The following ATIC variants were observed in gnomAD, a reference collection of about 807,000 sequenced individuals.
ATIC encodes bifunctional purine biosynthesis protein ATIC.
In ATIC, 64 loss-of-function variants were observed where a neutral mutation model predicts 72.5. The observed-to-expected ratio is 0.88, with a 90% confidence interval of 0.72 to 1.09. The LOEUF (loss-of-function observed/expected upper bound fraction) is 1.09, where lower values mean the gene tolerates loss of function less well. Ranked by LOEUF, ATIC falls within the 50% of genes least tolerant of loss-of-function variation. ATIC has a pLI of 0.00. For synonymous variants in ATIC, 281 were observed against 267.1 expected, an observed-to-expected ratio of 1.05 and a Z score of -0.51; for missense variants, 787 against 732.4, an observed-to-expected ratio of 1.07 and a Z score of -0.86.
In ATIC at chr2:215,335,897, T is replaced by TA. The variant is rs1381589682; in HGVS notation, c.1009-137dup. The TA allele has an allele frequency of 1.1e-5, 7 of 664,028 alleles. No homozygotes were observed. In the African/African-American group the frequency reaches 1.1e-4, roughly 10 times the overall value. The allele number at this position is 664,028 out of a possible 1,614,324, so 41.1% of individuals were successfully genotyped here. On this transcript the variant is annotated intron_variant, in intron 10 of 15. Coordinates refer to ENST00000236959, the MANE Select transcript of ATIC (RefSeq NM_004044.7). ...TCTAATAGATTTCTCTTTTCAAGTA[T>TA]AGCGTTAGCATTGTTTGTTGGAGGC...
chr2:215,325,584 A>T (rs1042079097), intron 5 of ATIC, among the ~76,000 whole-genome samples: 1 of 150,556 alleles, frequency 6.6e-6, no homozygotes, highest in African/African-American at 2.4e-5. Flanking sequence ...TTTTTTTGAG[A>T]TGAAGTCTTG....
In ATIC at chr2:215,334,451, C is replaced by T. The variant is rs755367441; in HGVS notation, c.923-468C>T. Among the ~76,000 whole-genome samples, 27 of 152,154 alleles carry T rather than the reference C, an allele frequency of 1.8e-4. 1 individual carries two copies. Among genetic ancestry groups the T allele is most frequent in the Non-Finnish European group, 8.8e-5 (6 of 68,024 alleles). ...CCTCAAGTGATTCACCTGCCTCAGC[C>T]TCCCAGAGGGCTGGGATTACAGGCG... On this transcript the variant is annotated intron_variant, in intron 9 of 15. Coordinates refer to ENST00000236959, the MANE Select transcript of ATIC (RefSeq NM_004044.7).
intron 13 of ATIC, 35 bp from the exon 14 acceptor site, chr2:215,346,724 G>T (rs552646100): frequency 6.2e-7 from 1 of 1,609,398 alleles, no homozygotes; most frequent in South Asian, 1.1e-5. Context: ...AGTGTCTTTG[G>T]AAGAGGTGTT....
intron 9 of ATIC, among the ~76,000 whole-genome samples, chr2:215,334,380 GA>G (rs1450091733): frequency 6.6e-6 from 1 of 151,796 alleles, no homozygotes; most frequent in African/African-American, 2.4e-5. Flanking sequence ...ATTTTTAGTA[GA>G]GACATGGTTT....
chr2:215,362,506 G>A, the ATIC span: 1 of 232,972 alleles, frequency 4.3e-6, no homozygotes, highest in Admixed American at 5.1e-5. Context: ...CCAGAGGAGA[G>A]GAGTGACTTG....
downstream of ATIC, among the ~76,000 whole-genome samples, chr2:215,352,303 C>T (rs368517505): frequency 7.9e-5 from 12 of 152,160 alleles, no homozygotes; most frequent in South Asian, 2.1e-4. Context: ...GAAAATAGGC[C>T]GGGCATGGTG....
At chr2:215,342,920 C>T (rs1489619827) in intron 12 of ATIC, among the ~76,000 whole-genome samples, 1 of 152,190 alleles carries the variant, frequency 6.6e-6, no homozygotes, top group African/African-American at 2.4e-5. Flanking sequence ...CTCAGGTGAT[C>T]TACCCGCCTG....
chr2:215,360,129 G>A, the ATIC span, among the ~76,000 whole-genome samples: 14 of 152,174 alleles, frequency 9.2e-5, no homozygotes, highest in Non-Finnish European at 1.9e-4. Context: ...ATAGAGACAA[G>A]GTTTCACCAT....
intron 3 of ATIC, among the ~76,000 whole-genome samples, chr2:215,318,616 T>C (rs1449537736): frequency 6.6e-6 from 1 of 152,118 alleles, no homozygotes; most frequent in Non-Finnish European, 1.5e-5. Flanking sequence ...TTCAAAGTGC[T>C]TTACATTTGT....
chr2:215,319,229 A>G (rs1004592850), intron 3 of ATIC, among the ~76,000 whole-genome samples: 3 of 152,010 alleles, frequency 2.0e-5, no homozygotes, highest in African/African-American at 7.2e-5. Context: ...CCCCAACTAC[A>G]TGTTTGATAT....
chr2:215,365,283 TACTC>T, the ATIC span, among the ~76,000 whole-genome samples: 2 of 152,176 alleles, frequency 1.3e-5, no homozygotes, highest in African/African-American at 2.4e-5. Context: ...ATGGTCAAAA[TACTC>T]AGGTTGGACA....
intron 2 of ATIC, among the ~76,000 whole-genome samples, chr2:215,314,403 T>G (rs1273260089): frequency 1.3e-5 from 2 of 152,218 alleles, no homozygotes; most frequent in Admixed American, 1.3e-4. Context: ...CTTTTTAGTT[T>G]AGGTAGTGTT....
At chr2:215,361,663 A>G in the ATIC span, 2 of 1,465,230 alleles carry the variant, frequency 1.4e-6, no homozygotes. Context: ...AATTAGTGGC[A>G]AATACTGTAA....
chr2:215,366,148 A>G, the ATIC span, among the ~76,000 whole-genome samples: 1 of 152,006 alleles, frequency 6.6e-6, no homozygotes, highest in Admixed American at 6.6e-5. Flanking sequence ...GAATTTTAAA[A>G]TATTATTTTT....
chr2:215,325,867 A>T (rs1477419577), intron 5 of ATIC, 120 bp from the exon 6 acceptor site: 2 of 1,302,278 alleles, frequency 1.5e-6, no homozygotes, highest in African/African-American at 1.5e-5. Flanking sequence ...CGCCCAGCTT[A>T]TTTTCCTGAT....
chr2:215,314,168 T>G (rs912631832), intron 2 of ATIC, among the ~76,000 whole-genome samples: 1 of 152,238 alleles, frequency 6.6e-6, no homozygotes, highest in Non-Finnish European at 1.5e-5. Flanking sequence ...GGTCATATCT[T>G]CTTTAAAAAC....
chr2:215,355,112 C>CT, the ATIC span, among the ~76,000 whole-genome samples: 6 of 152,064 alleles, frequency 3.9e-5, no homozygotes, highest in Non-Finnish European at 8.8e-5. Flanking sequence ...TGCCACCCCT[C>CT]ACATGCAAGC....
the ATIC span, chr2:215,368,139 A>T: frequency 8.6e-7 from 1 of 1,162,054 alleles, no homozygotes; most frequent in African/African-American, 1.5e-5. Context: ...CAAGAATTCC[A>T]GGAGGATTAA....
intron 14 of ATIC, 98 bp from the exon 15 acceptor site, chr2:215,348,996 A>T (rs2053101284): frequency 8.3e-7 from 1 of 1,201,456 alleles, no homozygotes; most frequent in Non-Finnish European, 1.2e-6. Flanking sequence ...ACAAGTCCTA[A>T]GAAAAATGCC....
Sources: allele counts gnomAD v4.1 joint callset (sites outside exome capture counted in the v4.1 genomes callset), GRCh38; gene constraint gnomAD v4.1.1; transcripts MANE v1.5; gene names NCBI Gene and HGNC (gene_info 2026-07-23, HGNC 2026-07-21).